The following SNX29 variants were observed in gnomAD, a reference collection of about 807,000 sequenced individuals.
The protein encoded by SNX29 is sorting nexin 29.
In SNX29, 78 loss-of-function variants were observed where a neutral mutation model predicts 102.1. The ratio of observed to expected loss-of-function variants is 0.76; its 90% confidence interval spans 0.64 to 0.92. SNX29 has a LOEUF of 0.92. Ranked by LOEUF, SNX29 falls within the 40% of genes least tolerant of loss-of-function variation. SNX29 has a pLI of 0.00. For synonymous variants in SNX29, 580 were observed against 414.5 expected, an observed-to-expected ratio of 1.40 and a Z score of -4.85; for missense variants, 1,280 against 1,061.7, an observed-to-expected ratio of 1.21 and a Z score of -2.86.
chr16:12,502,920 T>C (rs1052386895), intron 19 of SNX29, among the ~76,000 whole-genome samples: 3 of 152,238 alleles, frequency 2.0e-5, no homozygotes, highest in African/African-American at 7.2e-5. Flanking sequence ...GATCTTGTTA[T>C]TGAATGTGCC....
At chr16:12,166,188 CA>C (rs1417606176) in intron 13 of SNX29, among the ~76,000 whole-genome samples, 3 of 152,192 alleles carry the variant, frequency 2.0e-5, no homozygotes, top group African/African-American at 7.2e-5. Context: ...ATGAAACAAA[CA>C]TTTATTGAGC....
At chr16:12,241,733 A>T (rs1424640640) in intron 14 of SNX29, among the ~76,000 whole-genome samples, 1 of 152,178 alleles carries the variant, frequency 6.6e-6, no homozygotes, top group East Asian at 1.9e-4. Flanking sequence ...AAGTGCTGGG[A>T]TTACAGGCAT....
intron 13 of SNX29, among the ~76,000 whole-genome samples, chr16:12,184,517 C>T (rs886554152): frequency 6.6e-6 from 1 of 152,184 alleles, no homozygotes; most frequent in African/African-American, 2.4e-5. Context: ...CCAAGAGTTC[C>T]GATTTACCTT....
chr16:12,493,277 A>G (rs894447952), intron 19 of SNX29, among the ~76,000 whole-genome samples: 1 of 151,944 alleles, frequency 6.6e-6, no homozygotes, highest in African/African-American at 2.4e-5. Flanking sequence ...ATTCCTAGGT[A>G]TTTTATTCTC....
intron 5 of SNX29, among the ~76,000 whole-genome samples, chr16:12,045,253 A>T (rs2050039286): frequency 6.6e-6 from 1 of 152,280 alleles, no homozygotes; most frequent in African/African-American, 2.4e-5. Flanking sequence ...TTCAGTGGCT[A>T]ATTTTTCCAG....
At chr16:12,527,120 C>G in intron 20 of SNX29, 1 of 473,582 alleles carries the variant, frequency 2.1e-6, no homozygotes, top group Non-Finnish European at 4.1e-6. Context: ...TTTGGCTTTC[C>G]TCACTGTTCC....
At chr16:12,248,729 A>C (rs1325033390) in intron 14 of SNX29, among the ~76,000 whole-genome samples, 1 of 151,698 alleles carries the variant, frequency 6.6e-6, no homozygotes, top group Non-Finnish European at 1.5e-5. Context: ...TTCTGCTTAA[A>C]TGTCACTTTA....
At chr16:12,315,655 C>A (rs1261242805) in intron 15 of SNX29, among the ~76,000 whole-genome samples, 4 of 152,186 alleles carry the variant, frequency 2.6e-5, no homozygotes, top group Non-Finnish European at 5.9e-5. Context: ...GAGAAACCAA[C>A]CCTGCTGGCA....
At chr16:12,323,361 T>C (rs978101909) in intron 15 of SNX29, among the ~76,000 whole-genome samples, 3 of 152,204 alleles carry the variant, frequency 2.0e-5, no homozygotes, top group Non-Finnish European at 4.4e-5. Flanking sequence ...TAATATTTTC[T>C]TTAAATTTTC....
At chr16:12,286,844 A>T (rs2079614506) in intron 15 of SNX29, among the ~76,000 whole-genome samples, 1 of 152,110 alleles carries the variant, frequency 6.6e-6, no homozygotes, top group Non-Finnish European at 1.5e-5. Flanking sequence ...GTTCCATATT[A>T]TTACATTCCT....
At chr16:12,286,433 C>T (rs1267733111) in intron 15 of SNX29, among the ~76,000 whole-genome samples, 2 of 148,628 alleles carry the variant, frequency 1.3e-5, no homozygotes, top group African/African-American at 5.0e-5. Flanking sequence ...GCAAGCTCTG[C>T]CTCCCGGGTT....
At chr16:12,558,403 C>T (rs747578809) in intron 20 of SNX29, among the ~76,000 whole-genome samples, 4 of 152,138 alleles carry the variant, frequency 2.6e-5, no homozygotes, top group African/African-American at 7.2e-5. Context: ...GATATGTTAG[C>T]CTTGAAGTGG....
chr16:12,566,988 T>C (rs1486706938), intron 20 of SNX29, among the ~76,000 whole-genome samples: 2 of 152,232 alleles, frequency 1.3e-5, no homozygotes, highest in African/African-American at 4.8e-5. Flanking sequence ...GCCATGTCCC[T>C]GGAAAGGTGC....
At chr16:12,431,009 C>T (rs2085289824) in intron 18 of SNX29, among the ~76,000 whole-genome samples, 1 of 152,160 alleles carries the variant, frequency 6.6e-6, no homozygotes, top group African/African-American at 2.4e-5. Flanking sequence ...CCTGCCACCA[C>T]ACCCGGCTAT....
rs2079167953 is a variant in SNX29 at position 12,570,643 on chromosome 16, CTG to C, written c.*2017_*2018del. On this transcript the variant is annotated 3_prime_UTR_variant, in exon 21 of 21. Transcript: ENST00000566228. ...TGTTGGATAAAGGAACCTCCCCCAT[CTG>C]TGACATTCCCTTGGGCCCAGGCTTA... 4.3e-6 allele frequency: 1 copy of C among 232,118 alleles called. No homozygotes were observed. The highest frequency in any genetic ancestry group is 2.2e-5 in the African/African-American group (1 of 45,276). 14.4% of individuals were successfully genotyped at this position (232,118 alleles called of 1,614,324 possible).
At chr16:12,449,173 G>T (rs113437902) in intron 18 of SNX29, among the ~76,000 whole-genome samples, 56 of 152,200 alleles carry the variant, frequency 3.7e-4, no homozygotes, top group African/African-American at 1.3e-3. Flanking sequence ...GGATAGGGAG[G>T]AGGAATAGTG....
At chr16:12,215,685 G>A (rs1375560838) in intron 14 of SNX29, among the ~76,000 whole-genome samples, 1 of 152,176 alleles carries the variant, frequency 6.6e-6, no homozygotes, top group Non-Finnish European at 1.5e-5. Context: ...GGCATTTGAG[G>A]TACGTGCTGT....
chr16:12,550,712 A>T (rs752157535), intron 20 of SNX29, among the ~76,000 whole-genome samples: 1 of 152,186 alleles, frequency 6.6e-6, no homozygotes, highest in Middle Eastern at 3.2e-3. Context: ...TCATGCTCTT[A>T]TTCTACACTC....
At chr16:12,331,800 C>A (rs2151216129) in intron 15 of SNX29, among the ~76,000 whole-genome samples, 1 of 152,308 alleles carries the variant, frequency 6.6e-6, no homozygotes, top group South Asian at 2.1e-4. Context: ...GATCTGCCTG[C>A]CTCAGCCTCC....
Sources: gnomAD v4.1 joint callset for allele counts (sites outside exome capture counted in the v4.1 genomes callset) on GRCh38, gnomAD v4.1.1 for gene constraint, MANE v1.5 for transcripts, NCBI Gene and HGNC (gene_info 2026-07-23, HGNC 2026-07-21) for gene names.